Variants in TYK2 observed in about 807,000 individuals in gnomAD.
TYK2 encodes tyrosine kinase 2, also known as non-receptor tyrosine-protein kinase TYK2.
Under a neutral mutation model 130.9 loss-of-function variants are expected in TYK2, and 65 were observed. The observed-to-expected ratio is 0.50, with a 90% CI of 0.41 to 0.61. TYK2 has a LOEUF of 0.61. Among genes scored for constraint, TYK2 ranks in the 20% least tolerant of loss-of-function variants. The probability of loss-of-function intolerance (pLI) is 0.00; values close to 1 mark genes in which losing one functional copy is unlikely to be tolerated. For synonymous variants in TYK2, 647 were observed against 658.9 expected, an observed-to-expected ratio of 0.98 and a Z score of 0.28; for missense variants, 1,378 against 1,610.7, an observed-to-expected ratio of 0.86 and a Z score of 2.47.
chr19:10,353,147 G>A lies in TYK2; in HGVS notation c.3028-49C>T, dbSNP rs1221680408. ...AGTTTCAGTGGGGCGGGGTTCGGCC[G>A]GGGGCGGCGGCAGGACCTGAGCAGC... On this transcript the variant is annotated intron_variant, in intron 21 of 24. Transcript: ENST00000525621. The surrounding 1 kb of genome is among the most constrained non-coding windows in gnomAD (Gnocchi z 6.9). 3 of 1,431,440 alleles carry A rather than the reference G, an allele frequency of 2.1e-6. No individual in the cohort carries two copies. The highest frequency in any genetic ancestry group is 2.9e-5 in the African/African-American group (2 of 69,812). The allele number at this position is 1,431,440 out of a possible 1,614,324, so 88.7% of individuals were successfully genotyped here.
intron 3 of TYK2, chr19:10,368,685 T>C (rs1163171188): frequency 4.3e-6 from 2 of 463,348 alleles, no homozygotes; most frequent in Non-Finnish European, 8.0e-6. Flanking sequence ...CTGGGTACAT[T>C]TCCAAGCCTG....
rs1430096252 is a variant in TYK2, at chr19:10,356,602, G to A, written c.2583C>T (p.Thr861=). Residue 861 remains threonine, a synonymous_variant, in exon 18 of 25, where the codon ACC becomes ACT. Transcript: ENST00000525621. ...GCAGCCGGGTGAGGTCACGCAGGAT[G>A]GTGCGGAATGATGGCCTCTGGGTTG... The part of the protein sequence containing the change: ...YEPTQRPSFR[T]ILRDLTRLQP... 1 of 1,613,718 alleles carries A rather than the reference G, an allele frequency of 6.2e-7. No homozygotes were observed. Among genetic ancestry groups the A allele is most frequent in the East Asian group, 2.2e-5 (1 of 44,890 alleles).
rs1599349387 is a variant in TYK2 at position 10,364,632 on chromosome 19, C to A, written c.1349G>T (p.Gly450Val). The change falls in exon 9 of 25, where the codon GGG (glycine) becomes GTG (valine). Residue 450 changes from glycine (G) to valine (V), a missense_variant. Transcript: ENST00000525621. The surrounding 1 kb of genome is among the most constrained non-coding windows in gnomAD (Gnocchi z 4.9). Reference protein sequence around the residue: ...PPRLVMSIRDGIHGPLLEPFV... With the variant: ...PPRLVMSIRDVIHGPLLEPFV... ...CACTCACAGCAGGGGTCCGTGGATC[C>A]CATCCCGGATGCTCATCACCAGCCG... is the stretch of plus-strand genomic sequence containing the variant. 3 of 1,613,818 alleles carry A rather than the reference C, an allele frequency of 1.9e-6. No individual in the cohort carries two copies. The East Asian group carries it at 6.7e-5, about 36-fold the overall frequency.
intron 3 of TYK2, chr19:10,369,677 C>CAACCA (rs2041827768): frequency 2.2e-6 from 1 of 450,042 alleles, no homozygotes; most frequent in Non-Finnish European, 4.4e-6. Context: ...AACCCCAATC[C>CAACCA]AGTCTCCAGA....
At chr19:10,374,584 CA>C (rs1278364077) in intron 3 of TYK2, among the ~76,000 whole-genome samples, 2,456 of 50,116 alleles carry the variant, frequency 0.049, 26 homozygotes, top group African/African-American at 0.13. Context: ...GACTCCGTCT[CA>C]AAAAAAAAAA....
At position 10,353,171 on chromosome 19, in the gene TYK2, G is replaced by C; in HGVS notation, c.3028-73C>G. On this transcript the variant is annotated intron_variant, in intron 21 of 24. Transcript: ENST00000525621. The surrounding 1 kb of genome is among the most constrained non-coding windows in gnomAD (Gnocchi z 6.9). ...CGGGGGCGGCGGCAGGACCTGAGCA[G>C]CCAGGAGGGCTGGGGGACAGTCAGG... The C allele has an allele frequency of 1.5e-6, 2 of 1,327,386 alleles. No individual in the cohort carries two copies. Among genetic ancestry groups the C allele is most frequent in the Non-Finnish European group, 2.0e-6 (2 of 1,007,372 alleles). The allele number at this position is 1,327,386 out of a possible 1,614,324, so 82.2% of individuals were successfully genotyped here. A position where few individuals can be genotyped will look rare whatever the true frequency, so the allele number is the denominator to read the frequency against.
intron 22 of TYK2, among the ~76,000 whole-genome samples, 173 bp from the exon 23 acceptor site, chr19:10,352,724 T>G (rs1158632701): frequency 6.6e-6 from 1 of 151,776 alleles, no homozygotes; most frequent in African/African-American, 2.4e-5. Flanking sequence ...GCTCATTGGC[T>G]AGGCCGGGTT....
chr19:10,352,964 G>A lies in TYK2; in HGVS notation c.3162C>T (p.Tyr1054=). ...TGTCCCCATCCTCGCGCACGCGGTAGTACTCGTGGCCTTCGGGCACGGCCT... is the reference window on the plus strand; with the variant it reads ...TGTCCCCATCCTCGCGCACGCGGTAATACTCGTGGCCTTCGGGCACGGCCT... ...LAKAVPEGHE[Y]YRVREDGDSP... is the part of the protein sequence containing the mutation. Residue 1054 remains tyrosine (Y), a synonymous_variant, in exon 22 of 25, where the codon TAC becomes TAT. Coordinates refer to ENST00000525621, the MANE Select transcript of TYK2 (RefSeq NM_003331.5). The A allele has an allele frequency of 6.2e-7, 1 of 1,607,754 alleles. No individual in the cohort carries two copies. The highest frequency in any genetic ancestry group is 8.5e-7 in the Non-Finnish European group (1 of 1,176,764).
At chr19:10,354,895 TA>T (rs995127063) in intron 18 of TYK2, among the ~76,000 whole-genome samples, 17 of 143,758 alleles carry the variant, frequency 1.2e-4, no homozygotes, top group East Asian at 2.0e-4. Context: ...ACAAAAAAGT[TA>T]AAAAAAAAAA....
At chr19:10,360,676 GCA>G (rs368533583) in intron 14 of TYK2, among the ~76,000 whole-genome samples, 27 of 147,692 alleles carry the variant, frequency 1.8e-4, no homozygotes, top group African/African-American at 3.7e-4. Context: ...TGGGGGAGAT[GCA>G]CACACACACA....
chr19:10,357,753 C>A lies in TYK2; in HGVS notation c.2466+11G>T. 1 of 1,600,200 alleles carries A rather than the reference C, an allele frequency of 6.2e-7. No homozygotes were observed. The highest frequency in any genetic ancestry group is 8.5e-7 in the Non-Finnish European group (1 of 1,173,742). On this transcript the variant is annotated intron_variant, in intron 17 of 24. Transcript: ENST00000525621. ...CACTGCGGGGAGGGCCCAAGGGTCT[C>A]CTAGACATACCTCGGAGGGACTGCG...
rs753799049 is a variant in TYK2, at chr19:10,352,982, C to T, written c.3144G>A (p.Val1048=). Residue 1048 remains valine (V), a synonymous_variant, in exon 22 of 25, where the codon GTG becomes GTA. Coordinates refer to ENST00000525621, the MANE Select transcript of TYK2 (RefSeq NM_003331.5). ...CGCGGTAGTACTCGTGGCCTTCGGG[C>T]ACGGCCTTGGCTAGGCCAAAGTCCC... ...KIGDFGLAKA[V]PEGHEYYRVR... is the part of the protein sequence containing the mutation. 1.9e-6 allele frequency: 3 copies of T among 1,606,680 alleles called. No homozygotes were observed. Among genetic ancestry groups the T allele is most frequent in the Non-Finnish European group, 1.7e-6 (2 of 1,176,406 alleles).
At chr19:10,377,552 G>GTGGA (rs2042181898) in intron 3 of TYK2, among the ~76,000 whole-genome samples, 1 of 82,152 alleles carries the variant, frequency 1.2e-5, no homozygotes. Flanking sequence ...GGATGGGTGG[G>GTGGA]TGGGTGGATG....
Position 10,362,170 on chromosome 19 carries a change from G to C in TYK2, c.1681C>G (p.Leu561Val). Residue 561 changes from leucine (L) to valine (V), a missense_variant, in exon 12 of 25, where the codon CTC becomes GTC. Physicochemically the swap from Leu to Val is conservative, Grantham distance 32. Transcript: ENST00000525621. ...GCCCGAGCCCCCCGCATGATGATGAGATTGGAGGTTTCTGGGGGCAGGCAT... is the reference window on the plus strand; with the variant it reads ...GCCCGAGCCCCCCGCATGATGATGACATTGGAGGTTTCTGGGGGCAGGCAT... ...CLPQPGETSN[L>V]IIMRGARASP... is the part of the protein sequence containing the mutation. The C allele has an allele frequency of 1.9e-6, 3 of 1,614,016 alleles. No individual in the cohort carries two copies. Among genetic ancestry groups the C allele is most frequent in the Non-Finnish European group, 2.5e-6 (3 of 1,180,010 alleles).
chr19:10,356,965 T>G, intron 17 of TYK2: 1 of 561,380 alleles, frequency 1.8e-6, no homozygotes, highest in Non-Finnish European at 3.2e-6. Flanking sequence ...TGCCCCAAGC[T>G]TCCCTCCTGC....
At position 10,353,630 on chromosome 19, in the gene TYK2, C is replaced by T; in HGVS notation, c.2925G>A (p.Gln975=). Residue 975 remains glutamine (Q), a synonymous_variant, in exon 21 of 25, where the codon CAG becomes CAA. Transcript: ENST00000525621. This position sits in a 1 kb window ranked among gnomAD's most constrained non-coding sequence, Gnocchi z 6.9. ...CCAGGGGCACGTACTCCATGACCAG[C>T]TGCAGCGACTTCTCGCCTGCCGCGG... ...CCEDQGEKSL[Q]LVMEYVPLGS... 6.8e-7 allele frequency: 1 copy of T among 1,473,584 alleles called. No individual in the cohort carries two copies. The highest frequency in any genetic ancestry group is 9.0e-7 in the Non-Finnish European group (1 of 1,111,842). The allele number at this position is 1,473,584 out of a possible 1,614,324, so 91.3% of individuals were successfully genotyped here. A position where few individuals can be genotyped will look rare whatever the true frequency, so the allele number is the denominator to read the frequency against.
chr19:10,359,373 A>G, intron 14 of TYK2, 71 bp from the exon 15 acceptor site: 1 of 1,569,748 alleles, frequency 6.4e-7, no homozygotes, highest in Non-Finnish European at 8.6e-7. Context: ...ATTGGGGGAG[A>G]CGCCAGGGAG....
chr19:10,379,442 C>T (rs2042291807), intron 2 of TYK2, among the ~76,000 whole-genome samples, 173 bp downstream of exon 2: 1 of 150,736 alleles, frequency 6.6e-6, no homozygotes, highest in Non-Finnish European at 1.5e-5. Flanking sequence ...GCGGACAGAT[C>T]ACGAGGTCTG....
chr19:10,351,284 C>T (rs778861064), intron 23 of TYK2, 122 bp from the exon 24 acceptor site: 5 of 719,360 alleles, frequency 7.0e-6, no homozygotes, highest in East Asian at 3.0e-5. Context: ...GTCAGGAGTT[C>T]GAGACCAGCC....
Sources: gnomAD v4.1 joint callset for allele counts (sites outside exome capture counted in the v4.1 genomes callset) on GRCh38, gnomAD v4.1.1 for gene constraint, Gnocchi (gnomAD v3.1) non-coding constraint, MANE v1.5 for transcripts, NCBI Gene and HGNC (gene_info 2026-07-23, HGNC 2026-07-21) for gene names.